The following ITIH5 variants were observed in gnomAD, a reference collection of about 807,000 sequenced individuals.
ITIH5 encodes inter-alpha-trypsin inhibitor heavy chain H5.
A neutral mutation model predicts 77.5 loss-of-function variants in ITIH5; 65 were observed. The ratio of observed to expected loss-of-function variants is 0.84; its 90% confidence interval spans 0.69 to 1.03. The LOEUF is 1.03. Among genes scored for constraint, ITIH5 ranks in the 50% least tolerant of loss-of-function variants. The pLI is 0.00. For missense variants in ITIH5, 1,208 were observed against 1,213.1 expected (o/e 1.00, Z 0.06); for synonymous variants, 525 against 494.3 (o/e 1.06, Z -0.82).
rs537021710 is a variant in ITIH5, at chr10:7,602,758, C to T, written c.939+13224G>A. ...CAAATCAGCTTCTCCTCTAGGGTTT[C>T]CTACTTCCACTCATGGTTCCAAAGT... On this transcript the variant is annotated intron_variant, in intron 7 of 13. Transcript: ENST00000397146. Among the ~76,000 whole-genome samples, 5 of 152,264 alleles carry T rather than the reference C, an allele frequency of 3.3e-5. No individual in the cohort carries two copies. In the South Asian group the frequency reaches 8.3e-4, roughly 25 times the overall value.
At chr10:7,582,372 A>T (rs1225692218) in intron 8 of ITIH5, among the ~76,000 whole-genome samples, 2 of 152,110 alleles carry the variant, frequency 1.3e-5, no homozygotes, top group African/African-American at 4.8e-5. Context: ...GTTAGCTAAG[A>T]ATTCCACTGG....
At chr10:7,575,487 G>A (rs1277234441) in intron 10 of ITIH5, among the ~76,000 whole-genome samples, 1 of 152,190 alleles carries the variant, frequency 6.6e-6, no homozygotes, top group East Asian at 1.9e-4. Context: ...CAGGAGCCCA[G>A]TAAAAATGTG....
Position 7,579,948 on chromosome 10 carries a change from G to A in ITIH5, c.1225C>T (p.Pro409Ser). 4 of 1,614,174 alleles carry A rather than the reference G, an allele frequency of 2.5e-6. No individual in the cohort carries two copies. Among genetic ancestry groups the A allele is most frequent in the South Asian group, 1.1e-5 (1 of 91,084 alleles). Reference sequence around the variant, plus strand: ...AGGGTGTGCGTCTCCCCGACCGTGGGCTTCCCATCCGTCAGGAAGACGATG... The same window carrying A: ...AGGGTGTGCGTCTCCCCGACCGTGGACTTCCCATCCGTCAGGAAGACGATG... Reference protein sequence around the residue: ...SLIVFLTDGKPTVGETHTLKI... With the variant: ...SLIVFLTDGKSTVGETHTLKI... The change falls in exon 9 of 14, where the codon CCC (proline) becomes TCC (serine). Residue 409 changes from proline (P) to serine (S), a missense_variant. Pro to Ser is a moderately conservative substitution (Grantham distance 74). Transcript: ENST00000397146.
chr10:7,635,768 A>AT (rs1488044516), intron 5 of ITIH5, among the ~76,000 whole-genome samples: 1 of 152,016 alleles, frequency 6.6e-6, no homozygotes, highest in Non-Finnish European at 1.5e-5. Flanking sequence ...GGCCTTGGTT[A>AT]TTTTTGCATT....
chr10:7,582,850 G>A (rs966558938), intron 8 of ITIH5, among the ~76,000 whole-genome samples: 2 of 152,148 alleles, frequency 1.3e-5, no homozygotes, highest in Non-Finnish European at 2.9e-5. Flanking sequence ...GCAGGGTAGT[G>A]GGGGGTGGGG....
chr10:7,575,954 A>C (rs993018601), intron 10 of ITIH5, among the ~76,000 whole-genome samples: 2 of 152,206 alleles, frequency 1.3e-5, no homozygotes, highest in Non-Finnish European at 2.9e-5. Context: ...GCCACAGTGT[A>C]TAGTAATGCA....
chr10:7,628,852 TCC>T (rs1833641931), intron 5 of ITIH5, among the ~76,000 whole-genome samples: 1 of 143,990 alleles, frequency 6.9e-6, no homozygotes, highest in African/African-American at 2.5e-5. Flanking sequence ...GTAGCGTGTG[TCC>T]CTGTTGTAGC....
intron 1 of ITIH5, among the ~76,000 whole-genome samples, chr10:7,662,213 C>T (rs774787628): frequency 2.0e-5 from 3 of 151,958 alleles, no homozygotes; most frequent in African/African-American, 4.8e-5. Flanking sequence ...AAAAATTATC[C>T]AAGTGTGGTG....
chr10:7,563,538 G>GTGC (rs1321933696), intron 13 of ITIH5, among the ~76,000 whole-genome samples, 154 bp from the exon 14 acceptor site: 12 of 152,342 alleles, frequency 7.9e-5, no homozygotes, highest in African/African-American at 2.9e-4. Context: ...GTGCTCTGGG[G>GTGC]GGCAGGGTGG....
At chr10:7,601,127 A>C (rs1490700964) in intron 7 of ITIH5, among the ~76,000 whole-genome samples, 1 of 152,202 alleles carries the variant, frequency 6.6e-6, no homozygotes, top group Admixed American at 6.5e-5. Flanking sequence ...CTCTCCCCAC[A>C]AATTTTACTT....
intron 2 of ITIH5, among the ~76,000 whole-genome samples, chr10:7,644,844 A>G (rs1833976527): frequency 7.2e-6 from 1 of 139,262 alleles, no homozygotes; most frequent in Non-Finnish European, 1.5e-5. Context: ...TATATCACAT[A>G]TATATCACAT....
At chr10:7,566,866 GAAGAAGAA>G (rs1832190759) in intron 12 of ITIH5, among the ~76,000 whole-genome samples, 2 of 96,692 alleles carry the variant, frequency 2.1e-5, no homozygotes, top group African/African-American at 9.6e-5. Context: ...AGAAGAAGAA[GAAGAAGAA>G]GAAGAAGAAG....
chr10:7,623,597 A>G (rs1191955148), intron 5 of ITIH5, among the ~76,000 whole-genome samples: 2 of 152,044 alleles, frequency 1.3e-5, no homozygotes, highest in African/African-American at 4.8e-5. Context: ...AGGTCAGGAG[A>G]TCGAGACCAT....
Position 7,616,043 on chromosome 10 carries a change from G to A in ITIH5, c.878C>T (p.Pro293Leu), listed in dbSNP as rs573391710. Reference protein sequence around the residue: ...YFAPKDLPPLPKNVVFVLDSS... With the variant: ...YFAPKDLPPLLKNVVFVLDSS... ...GTCAAGCACGAATACCACATTCTTG[G>A]GTAAAGGAGGAAGGTCTTTAGGAGC... Residue 293 changes from proline to leucine, a missense_variant, in exon 7 of 14, where the codon CCC (proline) becomes CTC (leucine). Pro to Leu is a moderately conservative substitution (Grantham distance 98). Transcript: ENST00000397146. 1.2e-5 allele frequency: 19 copies of A among 1,613,610 alleles called. No individual in the cohort carries two copies. Among genetic ancestry groups the A allele is most frequent in the Non-Finnish European group, 1.4e-5 (17 of 1,179,640 alleles).
At chr10:7,572,412 AAAC>A in intron 11 of ITIH5, 1 of 1,362,076 alleles carries the variant, frequency 7.3e-7, no homozygotes, top group Non-Finnish European at 9.8e-7. Flanking sequence ...AAAAAAATGA[AAAC>A]AAAAACAAAG....
intron 8 of ITIH5, among the ~76,000 whole-genome samples, chr10:7,580,706 C>T (rs1031356017): frequency 3.9e-5 from 6 of 152,012 alleles, no homozygotes; most frequent in African/African-American, 9.7e-5. Flanking sequence ...GAGAAAGAGC[C>T]GCAGAGGGGA....
At chr10:7,572,638 G>A (rs1832324213) in intron 11 of ITIH5, 2 of 374,688 alleles carry the variant, frequency 5.3e-6, no homozygotes, top group Non-Finnish European at 9.6e-6. Context: ...TGGGGACTGT[G>A]CTATCTCCAT....
chr10:7,574,618 C>T (rs921890525), intron 10 of ITIH5, among the ~76,000 whole-genome samples: 3 of 151,814 alleles, frequency 2.0e-5, no homozygotes, highest in African/African-American at 7.3e-5. Flanking sequence ...ACGGTGAAAC[C>T]CCATCTCTAC....
At chr10:7,568,302 AG>A (rs1832228264) in intron 12 of ITIH5, among the ~76,000 whole-genome samples, 1 of 152,208 alleles carries the variant, frequency 6.6e-6, no homozygotes, top group African/African-American at 2.4e-5. Flanking sequence ...CAAGGAAAAA[AG>A]GGCCTTCTCT....
Sources: allele counts gnomAD v4.1 joint callset (sites outside exome capture counted in the v4.1 genomes callset), GRCh38; gene constraint gnomAD v4.1.1; transcripts MANE v1.5; gene names NCBI Gene and HGNC (gene_info 2026-07-23, HGNC 2026-07-21).